Variants in RNLS observed in about 807,000 individuals in gnomAD.
RNLS encodes the protein renalase.
In RNLS, 39 loss-of-function variants were observed where a neutral mutation model predicts 39.8. The ratio of observed to expected loss-of-function variants is 0.98; its 90% CI spans 0.76 to 1.28. The LOEUF (loss-of-function observed/expected upper bound fraction) is 1.28. Ranked by LOEUF, RNLS falls within the 50% of genes most tolerant of loss-of-function variation. RNLS has a pLI of 0.00. For synonymous variants in RNLS, 147 were observed against 150.7 expected (o/e 0.98, Z 0.18); for missense variants, 410 against 413.3 (o/e 0.99, Z 0.07).
intron 4 of RNLS, among the ~76,000 whole-genome samples, chr10:88,365,478 T>C (rs1389606423): frequency 6.6e-6 from 1 of 151,226 alleles, no homozygotes; most frequent in Non-Finnish European, 1.5e-5. Context: ...TTTACCTGGC[T>C]GTCATCCTCA....
At chr10:88,525,284 T>C (rs1156906904) in intron 4 of RNLS, among the ~76,000 whole-genome samples, 3 of 151,824 alleles carry the variant, frequency 2.0e-5, no homozygotes, top group Admixed American at 6.6e-5. Flanking sequence ...TTTTCACTAA[T>C]ATAAACTTTC....
chr10:88,254,399 TA>T, the RNLS span, among the ~76,000 whole-genome samples: 3 of 152,216 alleles, frequency 2.0e-5, no homozygotes, highest in African/African-American at 7.2e-5. Context: ...TCTTTTTGGG[TA>T]GCTGAACCTG....
chr10:88,572,923 A>T lies in RNLS; in HGVS notation c.506T>A (p.Leu169His). 6.2e-7 allele frequency: 1 copy of T among 1,613,918 alleles called. No individual in the cohort carries two copies. Among genetic ancestry groups the T allele is most frequent in the Non-Finnish European group, 8.5e-7 (1 of 1,179,876 alleles). Residue 169 changes from leucine to histidine, a missense_variant, in exon 4 of 7, where the codon CTT (leucine) becomes CAT (histidine). Physicochemically the swap from Leu to His is moderately conservative, Grantham distance 99 (BLOSUM62 -3). Transcript: ENST00000331772. ...LTMPVPEILQ[L>H]QGDITTLISE... is the part of the protein sequence containing the mutation. ...CTCACAGGTGGTGATGTCACCTTGA[A>T]GCTGCAGAATCTCAGGAACTGGCAT...
chr10:88,345,742 A>C (rs1848259623), intron 5 of RNLS, among the ~76,000 whole-genome samples: 1 of 152,126 alleles, frequency 6.6e-6, no homozygotes, highest in Admixed American at 6.6e-5. Context: ...CAGGTAAGTA[A>C]GTGAAGCTCA....
the RNLS span, among the ~76,000 whole-genome samples, chr10:88,258,809 A>T: frequency 6.6e-6 from 1 of 152,232 alleles, no homozygotes; most frequent in Non-Finnish European, 1.5e-5. Flanking sequence ...TTTAGGAACT[A>T]CATCCACTCT....
At chr10:88,408,653 T>C (rs1564775355) in intron 4 of RNLS, among the ~76,000 whole-genome samples, 1 of 152,160 alleles carries the variant, frequency 6.6e-6, no homozygotes, top group African/African-American at 2.4e-5. Flanking sequence ...TTTGGTGTTT[T>C]ATATAATGCA....
At chr10:88,580,184 T>C (rs1243514888) in intron 3 of RNLS, among the ~76,000 whole-genome samples, 1 of 152,190 alleles carries the variant, frequency 6.6e-6, no homozygotes. Flanking sequence ...CAATTCCTTA[T>C]AATAAATCTC....
At chr10:88,207,699 A>G in the RNLS span, among the ~76,000 whole-genome samples, 1 of 152,182 alleles carries the variant, frequency 6.6e-6, no homozygotes, top group Non-Finnish European at 1.5e-5. Context: ...CAATCCTTGG[A>G]TAAAGGTTTT....
intron 4 of RNLS, among the ~76,000 whole-genome samples, chr10:88,498,776 G>A (rs149665711): frequency 4.6e-5 from 7 of 152,036 alleles, no homozygotes; most frequent in East Asian, 3.9e-4. Context: ...GTGTATATAC[G>A]TAGAGAGATT....
chr10:88,406,508 A>G (rs1328224057), intron 4 of RNLS, among the ~76,000 whole-genome samples: 2 of 151,986 alleles, frequency 1.3e-5, no homozygotes, highest in Non-Finnish European at 1.5e-5. Flanking sequence ...TACTTGTTCA[A>G]TGCTATTGCT....
At position 88,460,290 on chromosome 10, in the gene RNLS, A is replaced by G. The variant is rs556238959; in HGVS notation, c.527-97565T>C. On this transcript the variant is annotated intron_variant, in intron 4 of 6. Transcript: ENST00000331772. ...TGTTTTCTTGCTTGTTAAATGAAGA[A>G]TAATGACATCCCCAAGTGGTTGTTG... Among the ~76,000 whole-genome samples the G allele has an allele frequency of 1.1e-4, 16 of 152,298 alleles. No individual in the cohort carries two copies. The South Asian group carries it at 3.1e-3, about 30-fold the overall frequency.
At chr10:88,237,335 A>C in the RNLS span, among the ~76,000 whole-genome samples, 14 of 149,386 alleles carry the variant, frequency 9.4e-5, no homozygotes, top group South Asian at 2.7e-3. Flanking sequence ...CCTTCAATAC[A>C]AAAGCATCAT....
At chr10:88,172,717 T>G in the RNLS span, among the ~76,000 whole-genome samples, 1 of 151,508 alleles carries the variant, frequency 6.6e-6, no homozygotes, top group South Asian at 2.1e-4. Context: ...TTGTTGCCTG[T>G]GCTTTTGAAG....
In RNLS at chr10:88,284,620, T is replaced by C. The variant is rs1843145281; in HGVS notation, c.*734A>G. The C allele has an allele frequency of 1.0e-6, 1 of 985,254 alleles. No homozygotes were observed. Among genetic ancestry groups the C allele is most frequent in the South Asian group, 4.7e-5 (1 of 21,290 alleles). 61.0% of individuals were successfully genotyped at this position (985,254 alleles called of 1,614,324 possible). A position where few individuals can be genotyped will look rare whatever the true frequency, so the allele number is the denominator to read the frequency against. The stretch of plus-strand genomic sequence containing the variant: ...AAGTAACAGCAACAGCTATAAAATA[T>C]AGCAAAAGGTAAGGATCGATATACT... On this transcript the variant is annotated 3_prime_UTR_variant, in exon 7 of 7. Transcript: ENST00000331772.
intron 4 of RNLS, among the ~76,000 whole-genome samples, chr10:88,512,114 A>G (rs1846150216): frequency 6.6e-6 from 1 of 152,212 alleles, no homozygotes; most frequent in Non-Finnish European, 1.5e-5. Context: ...TTGCTAGTAA[A>G]TAACATACAT....
intron 4 of RNLS, among the ~76,000 whole-genome samples, chr10:88,563,356 A>C (rs1482646339): frequency 6.6e-6 from 1 of 152,214 alleles, no homozygotes; most frequent in East Asian, 1.9e-4. Context: ...TATTGGCAGT[A>C]TTAAAGCCAC....
the RNLS span, among the ~76,000 whole-genome samples, chr10:88,185,294 C>A: frequency 6.6e-6 from 1 of 152,130 alleles, no homozygotes; most frequent in Admixed American, 6.6e-5. Flanking sequence ...CCATTAAGAT[C>A]TGCTCATTTT....
rs117564686 is a variant in RNLS, at chr10:88,366,173, C to G, written c.527-3448G>C. 8.5e-3 allele frequency among the ~76,000 whole-genome samples: 1,293 copies of G among 152,198 alleles called. 20 individuals carry two copies. The highest frequency in any genetic ancestry group is 0.029 in the South Asian group (140 of 4,826). ...GAAAAATAAAGCAGGTAAAGGGATA[C>G]ATAACAGGTTTGAGTGAGGCTATTT... On this transcript the variant is annotated intron_variant, in intron 4 of 6. Transcript: ENST00000331772.
intron 4 of RNLS, among the ~76,000 whole-genome samples, chr10:88,409,868 ATTTGT>A (rs1485802974): frequency 1.3e-5 from 2 of 152,084 alleles, no homozygotes; most frequent in Non-Finnish European, 1.5e-5. Context: ...AGGAAGCTTT[ATTTGT>A]TTTAATATTC....
Sources: gnomAD v4.1 joint callset for allele counts (sites outside exome capture counted in the v4.1 genomes callset) on GRCh38, gnomAD v4.1.1 for gene constraint, MANE v1.5 for transcripts, NCBI Gene and HGNC (gene_info 2026-07-23, HGNC 2026-07-21) for gene names.